The following KCNQ3 variants were observed in gnomAD, a reference collection of about 807,000 sequenced individuals.
The protein encoded by KCNQ3 is potassium voltage-gated channel subfamily Q member 3, also known as potassium voltage-gated channel subfamily KQT member 3.
Under a neutral mutation model 92.5 loss-of-function variants are expected in KCNQ3, and 30 were observed. The ratio of observed to expected loss-of-function variants is 0.32; its 90% CI spans 0.24 to 0.44. The LOEUF (loss-of-function observed/expected upper bound fraction) is 0.44, where lower values mean the gene tolerates loss of function less well. Among genes scored for constraint, KCNQ3 ranks in the 20% least tolerant of loss-of-function variants. KCNQ3 has a pLI of 1.00. For missense variants in KCNQ3, 913 were observed against 1,140.3 expected (o/e 0.80, Z 2.87); for synonymous variants, 450 against 468.8 (o/e 0.96, Z 0.52).
At chr8:132,348,790 A>G (rs1734030359) in intron 1 of KCNQ3, among the ~76,000 whole-genome samples, 2 of 152,210 alleles carry the variant, frequency 1.3e-5, no homozygotes, top group African/African-American at 4.8e-5. Context: ...ATCGTTTGCA[A>G]TACTGTTCAT....
At chr8:132,261,938 C>T (rs886592383) in intron 1 of KCNQ3, among the ~76,000 whole-genome samples, 1 of 152,024 alleles carries the variant, frequency 6.6e-6, no homozygotes, top group African/African-American at 2.4e-5. Flanking sequence ...CATAATAGCA[C>T]CAAAGTGGAC....
chr8:132,447,133 CT>C (rs1230559391), intron 1 of KCNQ3: 12 of 1,368,394 alleles, frequency 8.8e-6, no homozygotes, highest in African/African-American at 1.4e-5. Flanking sequence ...CCCTCTCCCC[CT>C]GGGACTCTGA....
intron 1 of KCNQ3, among the ~76,000 whole-genome samples, chr8:132,194,171 T>C (rs1181164050): frequency 6.6e-6 from 1 of 152,162 alleles, no homozygotes; most frequent in Non-Finnish European, 1.5e-5. Flanking sequence ...CATAGAAACA[T>C]TTTTCCTAGC....
intron 3 of KCNQ3, among the ~76,000 whole-genome samples, chr8:132,181,017 A>G (rs1826749494): frequency 6.6e-6 from 1 of 151,958 alleles, no homozygotes; most frequent in Admixed American, 6.6e-5. Flanking sequence ...TCTGAGCTAC[A>G]CTGGCCTAGT....
intron 1 of KCNQ3, among the ~76,000 whole-genome samples, chr8:132,187,752 GGTAGTGATGATGGTGGTA>G (rs1827022730): frequency 1.3e-5 from 2 of 150,250 alleles, no homozygotes; most frequent in East Asian, 2.0e-4. Flanking sequence ...TGGTGGTGGT[GGTAGTGATGATGGTGGTA>G]GTGATAGTGA....
chr8:132,180,988 C>T (rs10505592), intron 3 of KCNQ3, among the ~76,000 whole-genome samples: 24,629 of 152,042 alleles, frequency 0.16, 2,327 homozygotes, highest in African/African-American at 0.24. Flanking sequence ...ATCCCTAGCA[C>T]TGTCAACGCC....
chr8:132,399,217 A>G (rs538431917), intron 1 of KCNQ3, among the ~76,000 whole-genome samples: 1 of 152,306 alleles, frequency 6.6e-6, no homozygotes, highest in East Asian at 1.9e-4. Context: ...AAACTCTTTT[A>G]ATGAGTTACA....
At chr8:132,192,215 CCGGCGT>C (rs1827182317) in intron 1 of KCNQ3, among the ~76,000 whole-genome samples, 1 of 152,176 alleles carries the variant, frequency 6.6e-6, no homozygotes, top group African/African-American at 2.4e-5. Flanking sequence ...CAGCAGAGGC[CCGGCGT>C]AGCCCCGCGC....
At chr8:132,392,790 C>CAAAAAAAAAAAA (rs56183412) in intron 1 of KCNQ3, among the ~76,000 whole-genome samples, 1 of 72,648 alleles carries the variant, frequency 1.4e-5, no homozygotes, top group Non-Finnish European at 2.3e-5. Context: ...GAACCTGTCT[C>CAAAAAAAAAAAA]AAAAAAAAAA....
intron 12 of KCNQ3, among the ~76,000 whole-genome samples, 166 bp downstream of exon 12, chr8:132,137,719 C>A (rs528534727): frequency 1.3e-5 from 2 of 152,128 alleles, no homozygotes; most frequent in South Asian, 4.1e-4. Context: ...ACAGTCTGTC[C>A]GATCTGGTGC....
rs73347723 is a variant in KCNQ3, at chr8:132,418,463, C to T, written c.386+61684G>A. 8.5e-3 allele frequency among the ~76,000 whole-genome samples: 1,297 copies of T among 152,298 alleles called. 20 individuals carry two copies. Among genetic ancestry groups the T allele is most frequent in the African/African-American group, 0.03 (1,238 of 41,568 alleles). ...AGGGGTAAGTCATTTATTCCCCACT[C>T]GGGTTTCACCCTCCTCAATTGCTAA... On this transcript the variant is annotated intron_variant, in intron 1 of 14. Coordinates refer to ENST00000388996, the MANE Select transcript of KCNQ3 (RefSeq NM_004519.4).
chr8:132,428,773 C>T (rs1821173163), intron 1 of KCNQ3, among the ~76,000 whole-genome samples: 3 of 152,132 alleles, frequency 2.0e-5, no homozygotes, highest in African/African-American at 4.8e-5. Context: ...CCAGTTGGCA[C>T]AAAATTATAT....
chr8:132,184,077 A>G (rs1826878265), intron 3 of KCNQ3, among the ~76,000 whole-genome samples, 164 bp downstream of exon 3: 1 of 152,202 alleles, frequency 6.6e-6, no homozygotes, highest in Non-Finnish European at 1.5e-5. Flanking sequence ...TTGAGGACCC[A>G]GAAGGTTGAC....
chr8:132,392,451 A>C (rs1365858290), intron 1 of KCNQ3, among the ~76,000 whole-genome samples: 3 of 152,002 alleles, frequency 2.0e-5, no homozygotes, highest in Admixed American at 2.0e-4. Flanking sequence ...GATCAGGCCC[A>C]TTTCCATCCC....
At chr8:132,152,435 T>A (rs936766984) in intron 9 of KCNQ3, among the ~76,000 whole-genome samples, 1 of 152,232 alleles carries the variant, frequency 6.6e-6, no homozygotes, top group African/African-American at 2.4e-5. Flanking sequence ...CTGCTTGTCC[T>A]AGAATTTGGA....
chr8:132,344,920 G>A (rs1305966717), intron 1 of KCNQ3, among the ~76,000 whole-genome samples: 2 of 152,136 alleles, frequency 1.3e-5, no homozygotes, highest in Non-Finnish European at 2.9e-5. Flanking sequence ...AAAAGACAAA[G>A]GATGTGAAGT....
At chr8:132,342,305 A>ATTTCTCT in intron 1 of KCNQ3, among the ~76,000 whole-genome samples, 1 of 150,260 alleles carries the variant, frequency 6.7e-6, no homozygotes, top group Non-Finnish European at 1.5e-5. Context: ...CCATCCATTG[A>ATTTCTCT]TTTCTTTTTT....
intron 9 of KCNQ3, among the ~76,000 whole-genome samples, chr8:132,153,185 T>C (rs1816646): frequency 0.53 from 81,248 of 151,986 alleles, 22,051 homozygotes; most frequent in African/African-American, 0.6. Flanking sequence ...TCTGGATCAA[T>C]ATTCTAGTTC....
chr8:132,153,982 C>T (rs377578792), intron 9 of KCNQ3, among the ~76,000 whole-genome samples: 9 of 103,350 alleles, frequency 8.7e-5, no homozygotes, highest in Non-Finnish European at 1.7e-4. Context: ...ACCCCTGGGA[C>T]GCCTTTGAAA....
Sources: allele counts gnomAD v4.1 joint callset (sites outside exome capture counted in the v4.1 genomes callset), GRCh38; gene constraint gnomAD v4.1.1; transcripts MANE v1.5; gene names NCBI Gene and HGNC (gene_info 2026-07-23, HGNC 2026-07-21).